MVK: variants seen among roughly 807,000 people sequenced by gnomAD.
The protein encoded by MVK is mevalonate kinase.
A neutral mutation model predicts 43.2 loss-of-function variants in MVK; 34 were observed. The observed-to-expected ratio is 0.79, with a 90% CI of 0.60 to 1.05. The LOEUF (loss-of-function observed/expected upper bound fraction) is 1.05, where lower values mean the gene tolerates loss of function less well. MVK is among the 50% of genes least tolerant of loss of function. The pLI, the probability that MVK is intolerant of heterozygous loss-of-function variation, is 0.00. For missense variants in MVK, 395 were observed against 504.0 expected, an observed-to-expected ratio of 0.78 and a Z score of 2.07; for synonymous variants, 190 against 219.8, an observed-to-expected ratio of 0.86 and a Z score of 1.20.
chr12:109,594,808 G>A lies in MVK; in HGVS notation c.886-220G>A, dbSNP rs1427427325. 5.3e-5 allele frequency among the ~76,000 whole-genome samples: 8 copies of A among 152,230 alleles called. 1 individual carries two copies. The highest frequency in any genetic ancestry group is 3.9e-4 in the Admixed American group (6 of 15,290). On this transcript the variant is annotated intron_variant, in intron 9 of 10. Transcript: ENST00000228510. The stretch of plus-strand genomic sequence containing the variant: ...ACCAGCCCTAGGATATGTGCTCACT[G>A]CTGTGGTGAAGGTATGCTCAGCTCT...
Position 109,581,485 on chromosome 12 carries a change from A to G in MVK, c.462A>G (p.Ala154=). 6.2e-7 allele frequency: 1 copy of G among 1,614,212 alleles called. No homozygotes were observed. The highest frequency in any genetic ancestry group is 1.1e-5 in the South Asian group (1 of 91,082). The part of the protein sequence containing the change: ...GSSAAYSVCL[A]AALLTVCEEI... ...GCGCCGCCTACTCGGTGTGTCTGGC[A>G]GCAGCCCTCCTGACTGTGTGCGAGG... Residue 154 remains alanine, a synonymous_variant, in exon 5 of 11, where the codon GCA becomes GCG. Coordinates refer to ENST00000228510, the MANE Select transcript of MVK (RefSeq NM_000431.4).
chr12:109,573,555 G>T (rs1180898791), upstream of MVK: 3 of 1,514,046 alleles, frequency 2.0e-6, no homozygotes. Context: ...CCCACAGCTG[G>T]CCGCGCCACC....
At chr12:109,583,002 A>G (rs890547277) in intron 5 of MVK, among the ~76,000 whole-genome samples, 2 of 152,076 alleles carry the variant, frequency 1.3e-5, no homozygotes, top group Non-Finnish European at 2.9e-5. Context: ...GTACTCTTAC[A>G]GAAACACCTG....
At chr12:109,579,190 A>T in intron 3 of MVK, 1 of 435,190 alleles carries the variant, frequency 2.3e-6, no homozygotes, top group Non-Finnish European at 4.6e-6. Context: ...TGCAGCCTGG[A>T]GTACAGTGGT....
At chr12:109,587,640 AG>A (rs892071108) in intron 7 of MVK, among the ~76,000 whole-genome samples, 1 of 152,044 alleles carries the variant, frequency 6.6e-6, no homozygotes, top group Non-Finnish European at 1.5e-5. Context: ...CTCTTTACTC[AG>A]GGCGGTCTTC....
At chr12:109,578,923 T>A (rs1885078966) in intron 3 of MVK, among the ~76,000 whole-genome samples, 1 of 152,190 alleles carries the variant, frequency 6.6e-6, no homozygotes, top group South Asian at 2.1e-4. Context: ...ACAACCTGCC[T>A]CACCTTCCCC....
In MVK at chr12:109,581,534, G is replaced by T; in HGVS notation, c.511G>T (p.Gly171Trp). The T allele has an allele frequency of 6.2e-7, 1 of 1,614,142 alleles. No homozygotes were observed. Among genetic ancestry groups the T allele is most frequent in the Non-Finnish European group, 8.5e-7 (1 of 1,179,980 alleles). ...CEEIPNPLKD[G>W]DCVNRWTKED... ...GGAGATCCCAAACCCGCTGAAGGAC[G>T]GGGATTGCGTCAACAGGTAACCATG... Residue 171 changes from glycine (G) to tryptophan (W), a missense_variant, in exon 5 of 11, where the codon GGG becomes TGG. Transcript: ENST00000228510.
chr12:109,585,817 G>A (rs964099272), intron 5 of MVK, among the ~76,000 whole-genome samples: 1 of 152,232 alleles, frequency 6.6e-6, no homozygotes, highest in Non-Finnish European at 1.5e-5. Flanking sequence ...AGCCCAGGCT[G>A]TTTTGACTGC....
intron 2 of MVK, among the ~76,000 whole-genome samples, chr12:109,575,592 A>T (rs772495278): frequency 1.1e-4 from 17 of 152,008 alleles, no homozygotes; most frequent in Non-Finnish European, 2.9e-5. Flanking sequence ...ACGTGGTCTG[A>T]CACTACGCTG....
At position 109,596,584 on chromosome 12, in the gene MVK, C is replaced by A; in HGVS notation, c.*7C>A. The A allele has an allele frequency of 6.2e-7, 1 of 1,607,528 alleles. No individual in the cohort carries two copies. The highest frequency in any genetic ancestry group is 8.5e-7 in the Non-Finnish European group (1 of 1,179,882). On this transcript the variant is annotated 3_prime_UTR_variant, in exon 11 of 11. Coordinates refer to ENST00000228510, the MANE Select transcript of MVK (RefSeq NM_000431.4). ...AGCCCTGGATGGCCTCTGAGAGGAG[C>A]CCACGACACTGCAGCCCCACCCAGA...
At chr12:109,592,709 G>A (rs148777363) in intron 9 of MVK, among the ~76,000 whole-genome samples, 114 of 152,348 alleles carry the variant, frequency 7.5e-4, no homozygotes, top group Non-Finnish European at 1.3e-3. Flanking sequence ...CAGCTAGTGA[G>A]TGGCCGAGCC....
intron 10 of MVK, 66 bp from the exon 11 acceptor site, chr12:109,596,360 G>GA: frequency 6.4e-7 from 1 of 1,567,676 alleles, no homozygotes; most frequent in Non-Finnish European, 8.6e-7. Context: ...CTTTTGCCTT[G>GA]AATATGATGA....
At chr12:109,575,138 C>G (rs1244334213) in intron 2 of MVK, among the ~76,000 whole-genome samples, 1 of 152,110 alleles carries the variant, frequency 6.6e-6, no homozygotes, top group Non-Finnish European at 1.5e-5. Flanking sequence ...ATGAGATCAC[C>G]TAGGAGTGAG....
chr12:109,587,673 G>A (rs1323578946), intron 7 of MVK, among the ~76,000 whole-genome samples: 1 of 152,100 alleles, frequency 6.6e-6, no homozygotes, highest in Non-Finnish European at 1.5e-5. Context: ...GCAGGTCCTG[G>A]CCTGCAGCCC....
Position 109,596,743 on chromosome 12 carries a change from A to G in MVK, c.*166A>G. The stretch of plus-strand genomic sequence containing the variant: ...CAAGCTCTGCAGTCCCAGCGGTGGG[A>G]CCTAGGGAGGCATGGTCTGCCCTCT... On this transcript the variant is annotated 3_prime_UTR_variant, in exon 11 of 11. Transcript: ENST00000228510. The G allele has an allele frequency of 9.7e-7, 1 of 1,028,706 alleles. No homozygotes were observed. 63.7% of individuals were successfully genotyped at this position (1,028,706 alleles called of 1,614,324 possible).
rs1265526703 is a variant in MVK, at chr12:109,597,568, T to C, written c.*991T>C. ...ACAGGAAAGCAGAACCTGCCATCGCTCCTGGGGCGCGCCTTCCTTTCTGAA... is the reference window on the plus strand; with the variant it reads ...ACAGGAAAGCAGAACCTGCCATCGCCCCTGGGGCGCGCCTTCCTTTCTGAA... On this transcript the variant is annotated 3_prime_UTR_variant, in exon 11 of 11. Transcript: ENST00000228510. 1 of 152,084 alleles carries C rather than the reference T, an allele frequency of 6.6e-6. No homozygotes were observed. The highest frequency in any genetic ancestry group is 2.4e-5 in the African/African-American group (1 of 41,372). 9.4% of individuals were successfully genotyped at this position (152,084 alleles called of 1,614,324 possible).
chr12:109,588,765 C>T (rs547974318), intron 7 of MVK: 4 of 152,358 alleles, frequency 2.6e-5, no homozygotes, highest in Admixed American at 1.3e-4. Context: ...CTGGGGCCTC[C>T]GCAGGGAACA....
chr12:109,593,125 C>T lies in MVK; in HGVS notation c.885+1768C>T, dbSNP rs555555780. ...TGACAGATTTTGGATCAGAATGTGA[C>T]AGGTGTCTGGAACCTGCCTCGGCAA... On this transcript the variant is annotated intron_variant, in intron 9 of 10. Transcript: ENST00000228510. 7.2e-5 allele frequency among the ~76,000 whole-genome samples: 11 copies of T among 152,348 alleles called. No homozygotes were observed. In the East Asian group the frequency reaches 2.1e-3, roughly 29 times the overall value.
chr12:109,596,702 G>T lies in MVK; in HGVS notation c.*125G>T, dbSNP rs541159703. On this transcript the variant is annotated 3_prime_UTR_variant, in exon 11 of 11. Transcript: ENST00000228510. Reference sequence around the variant, plus strand: ...TGACACTGCTGGAGAGGCCCCAGCCGCTTGGCGATGCCAGCCAAGCTCTGC... The same window carrying T: ...TGACACTGCTGGAGAGGCCCCAGCCTCTTGGCGATGCCAGCCAAGCTCTGC... 5.0e-5 allele frequency: 67 copies of T among 1,347,616 alleles called. No individual in the cohort carries two copies. Among genetic ancestry groups the T allele is most frequent in the Non-Finnish European group, 6.8e-5 (66 of 976,788 alleles). 83.5% of individuals were successfully genotyped at this position (1,347,616 alleles called of 1,614,324 possible).
Sources: gnomAD v4.1 joint callset for allele counts (sites outside exome capture counted in the v4.1 genomes callset) on GRCh38, gnomAD v4.1.1 for gene constraint, MANE v1.5 for transcripts, NCBI Gene and HGNC (gene_info 2026-07-23, HGNC 2026-07-21) for gene names.